STK39: variants seen among roughly 807,000 people sequenced by gnomAD.
The protein encoded by STK39 is STE20/SPS1-related proline-alanine-rich protein kinase.
A neutral mutation model predicts 77.8 loss-of-function variants in STK39; 20 were observed. That is an observed-to-expected ratio of 0.26 (90% CI 0.18 to 0.37). The LOEUF is 0.37. STK39 is among the 10% of genes least tolerant of loss of function. The pLI is 1.00. For missense variants in STK39, 479 were observed against 656.5 expected, an observed-to-expected ratio of 0.73 and a Z score of 2.95; for synonymous variants, 246 against 234.1, an observed-to-expected ratio of 1.05 and a Z score of -0.47.
chr2:168,091,674 T>C (rs1384428354), intron 10 of STK39, among the ~76,000 whole-genome samples: 3 of 152,180 alleles, frequency 2.0e-5, no homozygotes, highest in Non-Finnish European at 4.4e-5. Flanking sequence ...GGCTACTACA[T>C]TCATTTTTGT....
chr2:168,197,520 G>A (rs747078964), intron 1 of STK39, among the ~76,000 whole-genome samples: 7 of 152,314 alleles, frequency 4.6e-5, no homozygotes, highest in Admixed American at 2.6e-4. Flanking sequence ...AATAAAAACC[G>A]AGAAGGGGAT....
chr2:168,189,705 G>C (rs1278808809), intron 1 of STK39, among the ~76,000 whole-genome samples: 36 of 152,094 alleles, frequency 2.4e-4, no homozygotes. Flanking sequence ...AAACACAATA[G>C]ATTTTTTTAA....
In STK39 at chr2:167,961,639, T is replaced by G. The variant is rs963263993; in HGVS notation, c.1563+3023A>C. Among the ~76,000 whole-genome samples the G allele has an allele frequency of 8.5e-5, 13 of 152,314 alleles. No homozygotes were observed. In the East Asian group the frequency reaches 2.3e-3, roughly 27 times the overall value. ...AATAGTTGAGCTGAAATGCCCTCTA[T>G]GCCTGAACCACTTTGTTAAAAGTGA... is the stretch of plus-strand genomic sequence containing the variant. On this transcript the variant is annotated intron_variant, in intron 17 of 17. Transcript: ENST00000355999.
At chr2:168,207,213 T>G (rs1331379422) in intron 1 of STK39, among the ~76,000 whole-genome samples, 2 of 152,264 alleles carry the variant, frequency 1.3e-5, no homozygotes, top group Non-Finnish European at 2.9e-5. Flanking sequence ...TTATAACATT[T>G]GCATTATTTT....
At chr2:168,121,530 G>A (rs1687405968) in intron 10 of STK39, among the ~76,000 whole-genome samples, 1 of 152,150 alleles carries the variant, frequency 6.6e-6, no homozygotes, top group South Asian at 2.1e-4. Context: ...CAGGTGAATA[G>A]GCAATGGCAA....
At chr2:168,145,670 G>C (rs938762126) in intron 5 of STK39, among the ~76,000 whole-genome samples, 2 of 152,166 alleles carry the variant, frequency 1.3e-5, no homozygotes, top group Admixed American at 6.5e-5. Flanking sequence ...TGTCTAAAAT[G>C]TACCTAAAAT....
intron 10 of STK39, among the ~76,000 whole-genome samples, chr2:168,105,518 AG>A (rs1007359478): frequency 2.0e-5 from 3 of 152,246 alleles, no homozygotes; most frequent in African/African-American, 7.2e-5. Context: ...ATAGGAAGAA[AG>A]GGCCTTGTGA....
intron 14 of STK39, among the ~76,000 whole-genome samples, chr2:168,061,012 G>C (rs1685650036): frequency 1.3e-5 from 2 of 152,176 alleles, no homozygotes; most frequent in Non-Finnish European, 2.9e-5. Context: ...GGTGATGATT[G>C]AAACACACAG....
chr2:168,223,694 C>G (rs1361681285), intron 1 of STK39, among the ~76,000 whole-genome samples: 1 of 151,972 alleles, frequency 6.6e-6, no homozygotes, highest in African/African-American at 2.4e-5. Flanking sequence ...TGTGATCATC[C>G]AAGTCTCTGC....
Position 167,991,912 on chromosome 2 carries a change from A to G in STK39, c.1498+20722T>C, listed in dbSNP as rs184571360. ...CTGGTGATTCCAATGAGTTATCAGGAAGACAGGAATCTTTAAAAAGCTGTA... is the reference window on the plus strand; with the variant it reads ...CTGGTGATTCCAATGAGTTATCAGGGAGACAGGAATCTTTAAAAAGCTGTA... On this transcript the variant is annotated intron_variant, in intron 16 of 17. Transcript: ENST00000355999. Among the ~76,000 whole-genome samples the G allele has an allele frequency of 2.9e-3, 439 of 152,310 alleles. 2 individuals are homozygous for G. Among genetic ancestry groups the G allele is most frequent in the African/African-American group, 1.0e-2 (415 of 41,560 alleles).
chr2:168,133,476 A>C (rs551736264), intron 8 of STK39, among the ~76,000 whole-genome samples: 1 of 152,342 alleles, frequency 6.6e-6, no homozygotes, highest in African/African-American at 2.4e-5. Flanking sequence ...CTTTGCTCAA[A>C]TCAGCTGAAG....
intron 12 of STK39, among the ~76,000 whole-genome samples, chr2:168,074,320 T>C (rs968110648): frequency 2.6e-5 from 4 of 152,350 alleles, no homozygotes; most frequent in East Asian, 1.9e-4. Flanking sequence ...TTTGGAGCTA[T>C]TTAAATATGC....
chr2:168,108,409 G>A (rs964105395), intron 10 of STK39, among the ~76,000 whole-genome samples: 24 of 152,036 alleles, frequency 1.6e-4, no homozygotes, highest in African/African-American at 3.4e-4. Context: ...TTAGCCGGGC[G>A]TAGTGGCATG....
chr2:168,153,657 T>A (rs1346401983), intron 5 of STK39, among the ~76,000 whole-genome samples: 1 of 151,422 alleles, frequency 6.6e-6, no homozygotes, highest in African/African-American at 2.4e-5. Context: ...GGTTACAATA[T>A]GAGGCCTGGA....
At chr2:167,964,963 A>C (rs898917350) in intron 16 of STK39, among the ~76,000 whole-genome samples, 7 of 152,236 alleles carry the variant, frequency 4.6e-5, no homozygotes, top group African/African-American at 1.7e-4. Flanking sequence ...ACTGTATGTC[A>C]ACTCTGCATT....
At chr2:168,004,815 G>A (rs1218945177) in intron 16 of STK39, among the ~76,000 whole-genome samples, 2 of 151,362 alleles carry the variant, frequency 1.3e-5, no homozygotes, top group Non-Finnish European at 2.9e-5. Flanking sequence ...TGGGATACCT[G>A]TTGAAAACAC....
chr2:168,133,471 C>T (rs1412582025), intron 8 of STK39, among the ~76,000 whole-genome samples: 1 of 152,104 alleles, frequency 6.6e-6, no homozygotes, highest in African/African-American at 2.4e-5. Context: ...TTTCTCTTTG[C>T]TCAAATCAGC....
At chr2:167,969,732 C>G (rs1385300353) in intron 16 of STK39, among the ~76,000 whole-genome samples, 1 of 152,216 alleles carries the variant, frequency 6.6e-6, no homozygotes, top group Non-Finnish European at 1.5e-5. Flanking sequence ...CTAGACTCGT[C>G]CAGTAGCCTG....
At chr2:168,037,487 T>C (rs574142116) in intron 14 of STK39, among the ~76,000 whole-genome samples, 2 of 152,302 alleles carry the variant, frequency 1.3e-5, no homozygotes, top group East Asian at 3.9e-4. Flanking sequence ...CTGACAGTTA[T>C]CTGTATAAGA....
Sources: gnomAD v4.1 joint callset for allele counts (sites outside exome capture counted in the v4.1 genomes callset) on GRCh38, gnomAD v4.1.1 for gene constraint, MANE v1.5 for transcripts, NCBI Gene and HGNC (gene_info 2026-07-23, HGNC 2026-07-21) for gene names.